The following RGL3 variants were observed in gnomAD, a reference collection of about 807,000 sequenced individuals.
The protein encoded by RGL3 is ral guanine nucleotide dissociation stimulator like 3.
A neutral mutation model predicts 90.6 loss-of-function variants in RGL3; 85 were observed. The ratio of observed to expected loss-of-function variants is 0.94; its 90% CI spans 0.79 to 1.12. RGL3 has a LOEUF of 1.12. RGL3 is among the 50% of genes most tolerant of loss of function. The pLI, the probability that RGL3 is intolerant of heterozygous loss-of-function variation, is 0.00. For synonymous variants in RGL3, 408 were observed against 385.5 expected (o/e 1.06, Z -0.68); for missense variants, 1,034 against 939.2 (o/e 1.10, Z -1.32).
intron 5 of RGL3, among the ~76,000 whole-genome samples, chr19:11,413,892 C>T (rs1317052408): frequency 2.0e-5 from 3 of 147,768 alleles, no homozygotes; most frequent in East Asian, 2.0e-4. Flanking sequence ...TACAGGCGCT[C>T]GCCACCACGC....
chr19:11,407,688 C>CTTTTTTTTTTTTTTTTTT (rs773809188), intron 5 of RGL3, among the ~76,000 whole-genome samples: 4 of 137,928 alleles, frequency 2.9e-5, no homozygotes, highest in Non-Finnish European at 3.2e-5. Context: ...CTCTCTGTGC[C>CTTTTTTTTTTTTTTTTTT]TTTTTTTTTT....
Position 11,394,441 on chromosome 19 carries a change from T to C in RGL3, c.2094A>G (p.Lys698=), listed in dbSNP as rs1171253117. 1.2e-6 allele frequency: 2 copies of C among 1,613,816 alleles called. No individual in the cohort carries two copies. Among genetic ancestry groups the C allele is most frequent in the Non-Finnish European group, 1.7e-6 (2 of 1,179,962 alleles). ...VAPRDFMLRR[K]EGTRNTLSVS... Reference sequence around the variant, plus strand: ...CAGACAGAGTGTTCCGGGTCCCCTCTTTCCGCCGCAGCATGAAGTCTCTGG... The same window carrying C: ...CAGACAGAGTGTTCCGGGTCCCCTCCTTCCGCCGCAGCATGAAGTCTCTGG... The change falls in exon 19 of 19, where the codon AAA becomes AAG. Residue 698 remains lysine (K), a synonymous_variant. Coordinates refer to ENST00000380456, the MANE Select transcript of RGL3 (RefSeq NM_001035223.4).
In RGL3 at chr19:11,416,827, G is replaced by A. The variant is rs778643956; in HGVS notation, c.371+9C>T. ...GTGGAGAATACGGAGGTTATGGTTC[G>A]CTACTGACCCGGGAGGTGGGGGCGG... On this transcript the variant is annotated intron_variant, in intron 3 of 18. Coordinates refer to ENST00000380456, the MANE Select transcript of RGL3 (RefSeq NM_001035223.4). The A allele has an allele frequency of 1.7e-5, 27 of 1,612,720 alleles. No homozygotes were observed. The highest frequency in any genetic ancestry group is 1.5e-4 in the South Asian group (14 of 90,954).
intron 5 of RGL3, among the ~76,000 whole-genome samples, chr19:11,414,359 TTATATA>T (rs1350328486): frequency 2.2e-4 from 23 of 105,958 alleles, no homozygotes; most frequent in Non-Finnish European, 3.4e-4. Flanking sequence ...ATATATACCT[TTATATA>T]TACCTTTATA....
intron 2 of RGL3, chr19:11,418,464 AT>A (rs1969041521): frequency 1.7e-6 from 1 of 578,900 alleles, no homozygotes; most frequent in Non-Finnish European, 3.1e-6. Context: ...CTGCGCGGCC[AT>A]CGCCTGGCCC....
chr19:11,401,815 G>C (rs1883510944), intron 13 of RGL3, among the ~76,000 whole-genome samples, 196 bp downstream of exon 13: 1 of 152,130 alleles, frequency 6.6e-6, no homozygotes, highest in Non-Finnish European at 1.5e-5. Context: ...CCAAGTGCTG[G>C]GATTACACGA....
intron 10 of RGL3, 22 bp downstream of exon 10, chr19:11,402,628 A>G: frequency 6.2e-7 from 1 of 1,613,688 alleles, no homozygotes; most frequent in Non-Finnish European, 8.5e-7. Context: ...ACTTGTCCCC[A>G]TCCCAAACTG....
chr19:11,400,214 T>C lies in RGL3; in HGVS notation c.1568A>G (p.Lys523Arg). 6.3e-7 allele frequency: 1 copy of C among 1,589,368 alleles called. No homozygotes were observed. The highest frequency in any genetic ancestry group is 8.6e-7 in the Non-Finnish European group (1 of 1,167,114). ...PRIRRRISLTKRLSAKLAREK... is the reference protein window; with the variant it reads ...PRIRRRISLTRRLSAKLAREK... The stretch of plus-strand genomic sequence containing the variant: ...CCCCGAGACTCACGCACTGAGACGC[T>C]TGGTGAGGCTGATCCGCCGTCGGAT... Residue 523 changes from lysine (K) to arginine (R), a missense_variant, in exon 14 of 19, where the codon AAG (lysine) becomes AGG (arginine). Physicochemically the swap from Lys to Arg is conservative, Grantham distance 26 (BLOSUM62 2). Coordinates refer to ENST00000380456, the MANE Select transcript of RGL3 (RefSeq NM_001035223.4).
rs1968645146 is a variant in RGL3, at chr19:11,400,038, AC to A, written c.1649+1del. ...AGTCCCATCACCAAGCAGAATGCTC[AC>A]CTGGAGGTGGGGGATGAGGGGTCCC... On this transcript the variant is annotated splice_donor_variant, in intron 15 of 18. Transcript: ENST00000380456. LOFTEE classifies it high-confidence loss of function. The A allele has an allele frequency of 3.1e-6, 5 of 1,604,212 alleles. No individual in the cohort carries two copies. The East Asian group carries it at 1.1e-4, about 36-fold the overall frequency.
intron 5 of RGL3, among the ~76,000 whole-genome samples, chr19:11,413,988 C>T (rs1599442339): frequency 6.7e-6 from 1 of 148,882 alleles, no homozygotes; most frequent in Non-Finnish European, 1.5e-5. Flanking sequence ...CCTTGGGATC[C>T]GCCCCCGTCG....
intron 5 of RGL3, 25 bp downstream of exon 5, chr19:11,415,912 A>G (rs1599444955): frequency 1.9e-6 from 3 of 1,588,666 alleles, no homozygotes. Context: ...TTCTCAGAAC[A>G]CGACTGGATC....
chr19:11,417,109 C>T (rs747375694), intron 2 of RGL3, 50 bp from the exon 3 acceptor site: 3 of 1,345,140 alleles, frequency 2.2e-6, no homozygotes, highest in Non-Finnish European at 3.1e-6. Flanking sequence ...GTCCTCACAG[C>T]ACCCCTTCTC....
chr19:11,397,532 G>C lies in RGL3; in HGVS notation c.1812C>G (p.Ile604Met). The C allele has an allele frequency of 6.2e-7, 1 of 1,612,528 alleles. No homozygotes were observed. The highest frequency in any genetic ancestry group is 8.5e-7 in the Non-Finnish European group (1 of 1,179,376). ...PFALPLGSPR[I>M]PLPAQQSSEA... is the part of the protein sequence containing the mutation. ...CCGAGCTCTGCTGCGCCGGGAGGGG[G>C]ATTCGAGGGCTGCCCAGAGGCAAAG... is the stretch of plus-strand genomic sequence containing the variant. The change falls in exon 17 of 19, where the codon ATC (isoleucine) becomes ATG (methionine). Residue 604 changes from isoleucine (I) to methionine (M), a missense_variant. Physicochemically the swap from Ile to Met is conservative, Grantham distance 10. Transcript: ENST00000380456.
At chr19:11,415,620 C>T (rs1968979385) in intron 5 of RGL3, among the ~76,000 whole-genome samples, 1 of 152,066 alleles carries the variant, frequency 6.6e-6, no homozygotes, top group African/African-American at 2.4e-5. Context: ...GGATTATAGA[C>T]ATGCCCCACC....
rs1968563174 is a variant in RGL3, at chr19:11,396,131, T to TA, written c.2014+1112_2014+1113insT. ...CTCTCTCTCTCTCTCTCTCTCTCTC[T>TA]CTCTCTATATATATATATATATATA... On this transcript the variant is annotated intron_variant, in intron 18 of 18. Coordinates refer to ENST00000380456, the MANE Select transcript of RGL3 (RefSeq NM_001035223.4). 1.6e-4 allele frequency among the ~76,000 whole-genome samples: 9 copies of TA among 57,358 alleles called. No homozygotes were observed. The South Asian group carries it at 5.6e-3, about 36-fold the overall frequency. The allele number at this position is 57,358 out of a possible 152,430, so 37.6% of individuals were successfully genotyped here.
chr19:11,410,697 A>C (rs188989613), intron 5 of RGL3, among the ~76,000 whole-genome samples: 11 of 151,594 alleles, frequency 7.3e-5, no homozygotes, highest in Admixed American at 2.0e-4. Context: ...CCCCCACCCC[A>C]AAAAAAAGTG....
chr19:11,398,893 T>C (rs989749257), intron 16 of RGL3, among the ~76,000 whole-genome samples: 27 of 151,946 alleles, frequency 1.8e-4, no homozygotes, highest in African/African-American at 6.3e-4. Context: ...ATGGTCTCGA[T>C]CTCTTGACCT....
At chr19:11,412,185 C>T (rs1389357850) in intron 5 of RGL3, among the ~76,000 whole-genome samples, 3 of 149,500 alleles carry the variant, frequency 2.0e-5, no homozygotes, top group Admixed American at 1.4e-4. Context: ...GAGGCTGAGG[C>T]AGGAGAATCA....
In RGL3 at chr19:11,400,254, G is replaced by C; in HGVS notation, c.1528C>G (p.Pro510Ala). Reference sequence around the variant, plus strand: ...CGCCGTCGGATGCGTGGGGAGCTGGGGCAGGAGGCAGCTGGTGGCTCAATG... The same window carrying C: ...CGCCGTCGGATGCGTGGGGAGCTGGCGCAGGAGGCAGCTGGTGGCTCAATG... Reference protein sequence around the residue: ...RVIEPPAASCPSSPRIRRRIS... With the variant: ...RVIEPPAASCASSPRIRRRIS... The change falls in exon 14 of 19, where the codon CCC becomes GCC. Residue 510 changes from proline to alanine, a missense_variant. Coordinates refer to ENST00000380456, the MANE Select transcript of RGL3 (RefSeq NM_001035223.4). 1 of 1,601,586 alleles carries C rather than the reference G, an allele frequency of 6.2e-7. No individual in the cohort carries two copies. Among genetic ancestry groups the C allele is most frequent in the Non-Finnish European group, 8.5e-7 (1 of 1,173,620 alleles).
Sources: allele counts gnomAD v4.1 joint callset (sites outside exome capture counted in the v4.1 genomes callset), GRCh38; gene constraint gnomAD v4.1.1; transcripts MANE v1.5; gene names NCBI Gene and HGNC (gene_info 2026-07-23, HGNC 2026-07-21).